Variants in C1orf21 observed in about 807,000 individuals in gnomAD.
The protein encoded by C1orf21 is chromosome 1 open reading frame 21, also known as uncharacterized protein C1orf21.
A neutral mutation model predicts 18.7 loss-of-function variants in C1orf21; 3 were observed. The ratio of observed to expected loss-of-function variants is 0.16; its 90% CI spans 0.07 to 0.42. The LOEUF (loss-of-function observed/expected upper bound fraction) is 0.42. Ranked by LOEUF, C1orf21 falls within the 10% of genes least tolerant of loss-of-function variation. The pLI, the probability that C1orf21 is intolerant of heterozygous loss-of-function variation, is 0.99. For synonymous variants in C1orf21, 41 were observed against 46.4 expected, an observed-to-expected ratio of 0.88 and a Z score of 0.47; for missense variants, 104 against 143.6, an observed-to-expected ratio of 0.72 and a Z score of 1.41.
intron 3 of C1orf21, among the ~76,000 whole-genome samples, chr1:184,548,850 G>A (rs1316943796): frequency 1.3e-5 from 2 of 152,038 alleles, no homozygotes; most frequent in Admixed American, 6.6e-5. Flanking sequence ...TTCATACCAC[G>A]TTAAAGTTGT....
Position 184,620,783 on chromosome 1 carries a change from A to G in C1orf21, c.*1227A>G, listed in dbSNP as rs1659904034. 6.6e-6 allele frequency: 1 copy of G among 152,666 alleles called. No individual in the cohort carries two copies. Among genetic ancestry groups the G allele is most frequent in the South Asian group, 2.1e-4 (1 of 4,838 alleles). The allele number at this position is 152,666 out of a possible 1,614,324, so 9.5% of individuals were successfully genotyped here. A position where few individuals can be genotyped will look rare whatever the true frequency, so the allele number is the denominator to read the frequency against. On this transcript the variant is annotated 3_prime_UTR_variant, in exon 6 of 6. Coordinates refer to ENST00000235307, the MANE Select transcript of C1orf21 (RefSeq NM_030806.4). The stretch of plus-strand genomic sequence containing the variant: ...TCAGCAGAGTTTATTTTTCCATACT[A>G]TATGAAGAGAATGATCTCTTCTCAA...
At chr1:184,465,673 AC>A (rs1657383177) in intron 1 of C1orf21, among the ~76,000 whole-genome samples, 2 of 152,284 alleles carry the variant, frequency 1.3e-5, no homozygotes, top group African/African-American at 4.8e-5. Flanking sequence ...CAGGAATGTA[AC>A]CACCACAGCT....
intron 3 of C1orf21, among the ~76,000 whole-genome samples, chr1:184,522,159 C>T (rs905504418): frequency 1.3e-5 from 2 of 151,866 alleles, no homozygotes; most frequent in African/African-American, 4.8e-5. Context: ...TGATGCTTAG[C>T]TTAATATAGA....
rs565315623 is a variant in C1orf21 at position 184,571,195 on chromosome 1, G to A, written c.190-19544G>A. 1.2e-3 allele frequency among the ~76,000 whole-genome samples: 174 copies of A among 150,484 alleles called. 1 individual carries two copies. The highest frequency in any genetic ancestry group is 4.2e-3 in the African/African-American group (171 of 41,084). On this transcript the variant is annotated intron_variant, in intron 3 of 5. Coordinates refer to ENST00000235307, the MANE Select transcript of C1orf21 (RefSeq NM_030806.4). ...GCCTGTAGTCCCAGCTACTTGGGAG[G>A]CTGAGGCAGGAGAATGGCGTGAACC...
At chr1:184,484,518 C>G (rs1657704730) in intron 2 of C1orf21, among the ~76,000 whole-genome samples, 1 of 151,974 alleles carries the variant, frequency 6.6e-6, no homozygotes, top group Non-Finnish European at 1.5e-5. Context: ...GGTTAGCTCC[C>G]CGAAGGCAGG....
chr1:184,537,517 A>G (rs1435134993), intron 3 of C1orf21, among the ~76,000 whole-genome samples: 2 of 152,190 alleles, frequency 1.3e-5, no homozygotes, highest in Admixed American at 6.5e-5. Flanking sequence ...CGTTGTATGT[A>G]TATACACATT....
At chr1:184,475,776 TGTGTG>T (rs1657562069) in intron 1 of C1orf21, among the ~76,000 whole-genome samples, 1 of 145,812 alleles carries the variant, frequency 6.9e-6, no homozygotes. Flanking sequence ...TGTGTGTGTG[TGTGTG>T]TCCATCCACA....
chr1:184,488,944 G>A (rs181876903), intron 2 of C1orf21, among the ~76,000 whole-genome samples: 64 of 152,178 alleles, frequency 4.2e-4, no homozygotes, highest in African/African-American at 1.5e-3. Context: ...CAGCCTGGGC[G>A]ACAGAGCGAG....
intron 1 of C1orf21, among the ~76,000 whole-genome samples, chr1:184,422,795 A>G (rs749869645): frequency 2.6e-5 from 4 of 152,166 alleles, no homozygotes; most frequent in Non-Finnish European, 5.9e-5. Flanking sequence ...TGAATTGTCT[A>G]TTTCACATGT....
intron 3 of C1orf21, among the ~76,000 whole-genome samples, chr1:184,521,491 G>C (rs966669380): frequency 2.6e-5 from 4 of 152,126 alleles, no homozygotes; most frequent in Non-Finnish European, 5.9e-5. Flanking sequence ...ATGGATAAGT[G>C]CATATTGCTA....
intron 3 of C1orf21, among the ~76,000 whole-genome samples, chr1:184,556,749 A>G (rs1658884808): frequency 6.6e-6 from 1 of 152,216 alleles, no homozygotes. Flanking sequence ...GCCTAGGGAA[A>G]AACACATGAG....
At chr1:184,446,927 G>A (rs1019083721) in intron 1 of C1orf21, among the ~76,000 whole-genome samples, 3 of 148,748 alleles carry the variant, frequency 2.0e-5, no homozygotes, top group African/African-American at 5.0e-5. Context: ...AAGTTTCATC[G>A]TGGGTATAAG....
At chr1:184,495,685 G>GC (rs1249508454) in intron 2 of C1orf21, among the ~76,000 whole-genome samples, 7 of 152,044 alleles carry the variant, frequency 4.6e-5, no homozygotes, top group Non-Finnish European at 1.0e-4. Flanking sequence ...ACTTTGGGAG[G>GC]CCAAGGCGGG....
intron 3 of C1orf21, among the ~76,000 whole-genome samples, chr1:184,555,678 T>G (rs577080939): frequency 1.3e-4 from 20 of 151,272 alleles, no homozygotes; most frequent in African/African-American, 4.9e-4. Context: ...GGCTTTACTC[T>G]CAGGAGCGGG....
At chr1:184,610,879 C>CA (rs1659726046) in intron 5 of C1orf21, among the ~76,000 whole-genome samples, 1 of 151,648 alleles carries the variant, frequency 6.6e-6, no homozygotes, top group African/African-American at 2.4e-5. Flanking sequence ...CTAAAATATC[C>CA]TCCTTACTGT....
At chr1:184,549,170 C>T (rs963332035) in intron 3 of C1orf21, among the ~76,000 whole-genome samples, 3 of 152,116 alleles carry the variant, frequency 2.0e-5, no homozygotes, top group African/African-American at 7.2e-5. Flanking sequence ...AGTCTCCTAG[C>T]CGTGGAACTT....
intron 2 of C1orf21, among the ~76,000 whole-genome samples, chr1:184,494,162 T>G (rs1227042373): frequency 6.6e-6 from 1 of 152,220 alleles, no homozygotes; most frequent in Non-Finnish European, 1.5e-5. Flanking sequence ...TCTGAGGAAC[T>G]GACCTTTGAG....
At chr1:184,524,603 G>A (rs1658352425) in intron 3 of C1orf21, among the ~76,000 whole-genome samples, 1 of 151,910 alleles carries the variant, frequency 6.6e-6, no homozygotes, top group South Asian at 2.1e-4. Context: ...TTAGAATATA[G>A]AACTGGGTTT....
chr1:184,501,755 T>C (rs1296875853), intron 2 of C1orf21, among the ~76,000 whole-genome samples: 1 of 152,248 alleles, frequency 6.6e-6, no homozygotes, highest in Non-Finnish European at 1.5e-5. Flanking sequence ...GCAGATAGTT[T>C]CTTCCATCTT....
Sources: allele counts gnomAD v4.1 joint callset (sites outside exome capture counted in the v4.1 genomes callset), GRCh38; gene constraint gnomAD v4.1.1; transcripts MANE v1.5; gene names NCBI Gene and HGNC (gene_info 2026-07-23, HGNC 2026-07-21).